The following BMPR1B variants were observed in gnomAD, a reference collection of about 807,000 sequenced individuals.
BMPR1B encodes the protein bone morphogenetic protein receptor type 1B.
BMPR1B carries 12 observed loss-of-function variants against 59.1 expected under a neutral mutation model. The observed-to-expected ratio is 0.20, with a 90% CI of 0.13 to 0.33. The LOEUF (loss-of-function observed/expected upper bound fraction) is 0.33, where lower values mean the gene tolerates loss of function less well. BMPR1B is among the 10% of genes least tolerant of loss of function. BMPR1B has a pLI of 1.00. For synonymous variants in BMPR1B, 237 were observed against 207.3 expected, an observed-to-expected ratio of 1.14 and a Z score of -1.23; for missense variants, 550 against 610.9, an observed-to-expected ratio of 0.90 and a Z score of 1.05.
intron 1 of BMPR1B, among the ~76,000 whole-genome samples, chr4:94,786,040 A>G (rs1722752165): frequency 6.6e-6 from 1 of 152,338 alleles, no homozygotes; most frequent in East Asian, 1.9e-4. Flanking sequence ...GCATCTTAGC[A>G]TAGGCTAAGT....
At chr4:95,112,934 T>G (rs966077920) in intron 4 of BMPR1B, among the ~76,000 whole-genome samples, 7 of 152,118 alleles carry the variant, frequency 4.6e-5, no homozygotes, top group Non-Finnish European at 1.0e-4. Flanking sequence ...TAGATTTAAT[T>G]TAGGGTACTT....
intron 2 of BMPR1B, among the ~76,000 whole-genome samples, chr4:94,977,306 G>GAAT (rs1288746244): frequency 5.9e-5 from 9 of 152,168 alleles, no homozygotes; most frequent in Middle Eastern, 6.8e-3. Context: ...CCATCATATT[G>GAAT]GTGTTAAAGG....
chr4:94,823,870 C>G (rs1276410233), intron 1 of BMPR1B, among the ~76,000 whole-genome samples: 3 of 152,104 alleles, frequency 2.0e-5, no homozygotes, highest in South Asian at 2.1e-4. Context: ...GCCTCAGCCT[C>G]CCAAGTAGCT....
intron 2 of BMPR1B, among the ~76,000 whole-genome samples, chr4:94,935,519 C>G (rs1216443807): frequency 3.3e-5 from 5 of 152,078 alleles, no homozygotes; most frequent in Admixed American, 2.6e-4. Context: ...AAAGTAAACA[C>G]ACAGAGTAAT....
intron 3 of BMPR1B, among the ~76,000 whole-genome samples, chr4:95,004,864 G>T (rs1223588289): frequency 6.6e-6 from 1 of 152,178 alleles, no homozygotes; most frequent in Non-Finnish European, 1.5e-5. Flanking sequence ...TTCTTTGAAT[G>T]TGTAGAGTTT....
At chr4:94,957,932 T>C (rs1392241047) in intron 2 of BMPR1B, among the ~76,000 whole-genome samples, 1 of 152,156 alleles carries the variant, frequency 6.6e-6, no homozygotes, top group Non-Finnish European at 1.5e-5. Context: ...GATCAACATG[T>C]GTGTTGATTT....
At chr4:94,795,725 A>C (rs893816232) in intron 1 of BMPR1B, among the ~76,000 whole-genome samples, 8 of 152,046 alleles carry the variant, frequency 5.3e-5, no homozygotes, top group African/African-American at 1.9e-4. Flanking sequence ...TGGCCTCCCA[A>C]AGTGCTGGGA....
rs1726706793 is a variant in BMPR1B at position 94,875,829 on chromosome 4, A to G, written c.-182-2A>G. 6.6e-6 allele frequency: 1 copy of G among 152,626 alleles called. No individual in the cohort carries two copies. The highest frequency in any genetic ancestry group is 1.5e-5 in the Non-Finnish European group (1 of 68,034). The allele number at this position is 152,626 out of a possible 1,614,324, so 9.5% of individuals were successfully genotyped here. A position where few individuals can be genotyped will look rare whatever the true frequency, so the allele number is the denominator to read the frequency against. On this transcript the variant is annotated splice_acceptor_variant, in intron 1 of 12. Coordinates refer to ENST00000515059, the MANE Select transcript of BMPR1B (RefSeq NM_001203.3). LOFTEE classifies it low-confidence loss of function (5UTR_SPLICE). ...ATTCAGTTTTTGTCTCTTTGTTGAC[A>G]GGGTGGAGTTCAGCCTACTCTTTCT... is the stretch of plus-strand genomic sequence containing the variant.
At chr4:94,981,244 C>T (rs1721066772) in intron 2 of BMPR1B, among the ~76,000 whole-genome samples, 1 of 151,572 alleles carries the variant, frequency 6.6e-6, no homozygotes, top group South Asian at 2.1e-4. Context: ...TGCTCTATTG[C>T]CCAGTTTGGA....
intron 3 of BMPR1B, among the ~76,000 whole-genome samples, chr4:95,040,916 C>G (rs1310237881): frequency 2.0e-5 from 3 of 152,160 alleles, no homozygotes; most frequent in Non-Finnish European, 4.4e-5. Flanking sequence ...CGTGTGCCTT[C>G]TAAGCCTGCA....
At chr4:94,973,527 G>C (rs990989705) in intron 2 of BMPR1B, among the ~76,000 whole-genome samples, 3 of 152,210 alleles carry the variant, frequency 2.0e-5, no homozygotes, top group African/African-American at 4.8e-5. Flanking sequence ...AAGTCAAGCT[G>C]CTTCTCTTTG....
intron 1 of BMPR1B, among the ~76,000 whole-genome samples, chr4:94,782,236 T>C (rs1029413941): frequency 2.6e-5 from 4 of 152,128 alleles, no homozygotes; most frequent in African/African-American, 4.8e-5. Context: ...ATCTTGTTTG[T>C]TTATTCCTTC....
At chr4:94,882,223 A>G (rs764741615) in intron 2 of BMPR1B, among the ~76,000 whole-genome samples, 22 of 152,192 alleles carry the variant, frequency 1.4e-4, no homozygotes. Context: ...CCATAGAGGA[A>G]TATTTTCTTC....
chr4:94,858,216 C>T (rs1200377260), intron 1 of BMPR1B, among the ~76,000 whole-genome samples: 2 of 152,096 alleles, frequency 1.3e-5, no homozygotes. Context: ...TCCCAAAATG[C>T]TGGGATTACA....
intron 1 of BMPR1B, among the ~76,000 whole-genome samples, chr4:94,791,469 A>T (rs1168363080): frequency 6.6e-6 from 1 of 152,196 alleles, no homozygotes; most frequent in African/African-American, 2.4e-5. Context: ...AGGAAAAGTT[A>T]TGTCTCAGTT....
intron 1 of BMPR1B, among the ~76,000 whole-genome samples, chr4:94,857,662 A>G (rs1368399977): frequency 2.0e-5 from 3 of 152,214 alleles, no homozygotes; most frequent in Admixed American, 6.5e-5. Context: ...ACCCAGATTT[A>G]TTATGACTTA....
chr4:95,077,590 A>C (rs559209042), intron 3 of BMPR1B, among the ~76,000 whole-genome samples: 1 of 152,176 alleles, frequency 6.6e-6, no homozygotes, highest in Non-Finnish European at 1.5e-5. Context: ...GATTGTCTTC[A>C]TAAATTTTAA....
intron 2 of BMPR1B, among the ~76,000 whole-genome samples, chr4:94,899,077 C>T (rs1727702146): frequency 6.6e-6 from 1 of 152,008 alleles, no homozygotes; most frequent in Non-Finnish European, 1.5e-5. Flanking sequence ...CTTATCCAGC[C>T]TCTGGTGGCT....
chr4:94,844,605 A>G (rs1212939659), intron 1 of BMPR1B, among the ~76,000 whole-genome samples: 1 of 152,052 alleles, frequency 6.6e-6, no homozygotes, highest in African/African-American at 2.4e-5. Context: ...GAAGCAGAAG[A>G]CCGGAGAGGG....
Sources: allele counts gnomAD v4.1 joint callset (sites outside exome capture counted in the v4.1 genomes callset), GRCh38; gene constraint gnomAD v4.1.1; transcripts MANE v1.5; gene names NCBI Gene and HGNC (gene_info 2026-07-23, HGNC 2026-07-21).